The following CHRM3 variants were observed in gnomAD, a reference collection of about 807,000 sequenced individuals.
CHRM3 encodes muscarinic acetylcholine receptor M3.
A neutral mutation model predicts 41.8 loss-of-function variants in CHRM3; 11 were observed. That is an observed-to-expected ratio of 0.26 (90% confidence interval 0.17 to 0.44). The LOEUF is 0.44. Among genes scored for constraint, CHRM3 ranks in the 20% least tolerant of loss-of-function variants. CHRM3 has a pLI of 1.00. For synonymous variants in CHRM3, 297 were observed against 301.4 expected (o/e 0.99, Z 0.15); for missense variants, 571 against 745.4 (o/e 0.77, Z 2.72).
At chr1:239,414,419 G>A (rs533865352) in intron 1 of CHRM3, among the ~76,000 whole-genome samples, 1 of 152,282 alleles carries the variant, frequency 6.6e-6, no homozygotes, top group African/African-American at 2.4e-5. Context: ...TCTACCTAAG[G>A]CACATGTTTA....
intron 2 of CHRM3, among the ~76,000 whole-genome samples, chr1:239,519,578 T>C (rs946437548): frequency 6.6e-6 from 1 of 152,100 alleles, no homozygotes; most frequent in Non-Finnish European, 1.5e-5. Context: ...AAAGAAGATC[T>C]ATCTTGAAAT....
chr1:239,662,568 C>A (rs1673309077), intron 4 of CHRM3, among the ~76,000 whole-genome samples: 2 of 152,002 alleles, frequency 1.3e-5, no homozygotes, highest in Admixed American at 6.6e-5. Context: ...AATATCAAGC[C>A]TAATATGTAG....
intron 5 of CHRM3, among the ~76,000 whole-genome samples, chr1:239,815,545 T>C (rs543315577): frequency 6.6e-5 from 10 of 152,236 alleles, no homozygotes; most frequent in Admixed American, 3.9e-4. Flanking sequence ...ACCAAGCATA[T>C]AGTACAGTGG....
At chr1:239,808,107 AC>A (rs1200800778) in intron 5 of CHRM3, among the ~76,000 whole-genome samples, 3 of 152,074 alleles carry the variant, frequency 2.0e-5, no homozygotes, top group African/African-American at 7.2e-5. Context: ...GGTTGTTTTG[AC>A]CCCATATCTG....
chr1:239,534,257 C>T (rs1473919333), intron 2 of CHRM3, among the ~76,000 whole-genome samples: 1 of 152,140 alleles, frequency 6.6e-6, no homozygotes, highest in Non-Finnish European at 1.5e-5. Context: ...ACCCGGGAGG[C>T]AGAAGTTGCA....
chr1:239,446,367 T>C (rs1664156515), intron 1 of CHRM3, among the ~76,000 whole-genome samples: 1 of 152,226 alleles, frequency 6.6e-6, no homozygotes, highest in South Asian at 2.1e-4. Flanking sequence ...GTATGATTTA[T>C]AGCAAACTAT....
At chr1:239,655,225 G>T (rs1402535631) in intron 4 of CHRM3, among the ~76,000 whole-genome samples, 1 of 152,162 alleles carries the variant, frequency 6.6e-6, no homozygotes, top group Non-Finnish European at 1.5e-5. Flanking sequence ...GTATAGTAAG[G>T]TCTCCCAGAC....
chr1:239,884,629 T>C (rs1677917704), intron 6 of CHRM3, among the ~76,000 whole-genome samples: 1 of 152,200 alleles, frequency 6.6e-6, no homozygotes. Flanking sequence ...ACCTCTGCTG[T>C]ATAAACATGG....
At chr1:239,868,281 C>T (rs1163724585) in intron 6 of CHRM3, among the ~76,000 whole-genome samples, 1 of 152,132 alleles carries the variant, frequency 6.6e-6, no homozygotes, top group Non-Finnish European at 1.5e-5. Flanking sequence ...CATCAGGGTA[C>T]TCTAGTACAA....
At chr1:239,702,212 G>A (rs1439739857) in intron 5 of CHRM3, among the ~76,000 whole-genome samples, 1 of 152,088 alleles carries the variant, frequency 6.6e-6, no homozygotes, top group Non-Finnish European at 1.5e-5. Flanking sequence ...ATTCGTCACT[G>A]ATCTTGGAAT....
chr1:239,773,769 C>T (rs1572248788), intron 5 of CHRM3, among the ~76,000 whole-genome samples: 1 of 152,156 alleles, frequency 6.6e-6, no homozygotes, highest in Non-Finnish European at 1.5e-5. Context: ...AATCCCTAGA[C>T]TTGGGAGGAT....
intron 6 of CHRM3, among the ~76,000 whole-genome samples, chr1:239,858,521 G>GAAA (rs35735156): frequency 0.029 from 4,112 of 143,620 alleles, 153 homozygotes; most frequent in African/African-American, 0.079. Context: ...TTTTCATTTG[G>GAAA]AAAAAAAAAA....
intron 5 of CHRM3, chr1:239,704,979 T>A (rs1572038965): frequency 6.6e-6 from 1 of 152,234 alleles, no homozygotes; most frequent in African/African-American, 2.4e-5. Flanking sequence ...GACAGGAGGA[T>A]GACTTAAGGC....
chr1:239,909,199 A>G lies in CHRM3; in HGVS notation c.1748A>G (p.Lys583Arg), dbSNP rs1680214253. The part of the protein sequence containing the change: ...YQQRQSVIFH[K>R]RAPEQAL ...CAGAGACAGTCGGTCATTTTTCACA[A>G]GCGCGCACCCGAGCAGGCCTTGTAG... The change falls in exon 7 of 7, where the codon AAG becomes AGG. Residue 583 changes from lysine (K) to arginine (R), a missense_variant. Coordinates refer to ENST00000676153, the MANE Select transcript of CHRM3 (RefSeq NM_001375978.1). The G allele has an allele frequency of 6.2e-7, 1 of 1,611,814 alleles. No individual in the cohort carries two copies. Among genetic ancestry groups the G allele is most frequent in the East Asian group, 2.2e-5 (1 of 44,840 alleles).
At chr1:239,531,110 T>A (rs1670373172) in intron 2 of CHRM3, among the ~76,000 whole-genome samples, 1 of 152,128 alleles carries the variant, frequency 6.6e-6, no homozygotes, top group South Asian at 2.1e-4. Flanking sequence ...TTATTAGGAT[T>A]TTTTTGCAGA....
At chr1:239,521,429 A>C (rs1669631405) in intron 2 of CHRM3, among the ~76,000 whole-genome samples, 1 of 152,250 alleles carries the variant, frequency 6.6e-6, no homozygotes, top group Non-Finnish European at 1.5e-5. Flanking sequence ...GCTTCCTTCC[A>C]GAATTATTCA....
In CHRM3 at chr1:239,514,296, G is replaced by A. The variant is rs1315275163; in HGVS notation, c.-422+21489G>A. 2.0e-5 allele frequency among the ~76,000 whole-genome samples: 3 copies of A among 151,840 alleles called. No individual in the cohort carries two copies. The East Asian group carries it at 5.8e-4, about 29-fold the overall frequency. On this transcript the variant is annotated intron_variant, in intron 2 of 6. Coordinates refer to ENST00000676153, the MANE Select transcript of CHRM3 (RefSeq NM_001375978.1). Reference sequence around the variant, plus strand: ...AATGTCTCTCCATTTATAGTTCTTTGATTTCTTTCATTGGAGTTTTGAAGT... The same window carrying A: ...AATGTCTCTCCATTTATAGTTCTTTAATTTCTTTCATTGGAGTTTTGAAGT...
intron 5 of CHRM3, among the ~76,000 whole-genome samples, chr1:239,722,068 G>C (rs905111329): frequency 4.0e-5 from 6 of 151,828 alleles, no homozygotes; most frequent in Non-Finnish European, 8.8e-5. Context: ...CATGGGACAG[G>C]CATTTAGATA....
At chr1:239,841,693 G>T (rs554979122) in intron 6 of CHRM3, among the ~76,000 whole-genome samples, 1 of 152,168 alleles carries the variant, frequency 6.6e-6, no homozygotes, top group Non-Finnish European at 1.5e-5. Context: ...CCCACCTGGG[G>T]TCAGGAGTAA....
Sources: allele counts gnomAD v4.1 joint callset (sites outside exome capture counted in the v4.1 genomes callset), GRCh38; gene constraint gnomAD v4.1.1; transcripts MANE v1.5; gene names NCBI Gene and HGNC (gene_info 2026-07-23, HGNC 2026-07-21).